The following DENND4C variants were observed in gnomAD, a reference collection of about 807,000 sequenced individuals.
DENND4C encodes the protein DENN domain containing 4C.
Under a neutral mutation model 203.0 loss-of-function variants are expected in DENND4C, and 108 were observed. The observed-to-expected ratio is 0.53, with a 90% CI of 0.46 to 0.62. DENND4C has a LOEUF of 0.62. Among genes scored for constraint, DENND4C ranks in the 20% least tolerant of loss-of-function variants. The pLI is 0.00. For missense variants in DENND4C, 2,481 were observed against 2,301.2 expected, an observed-to-expected ratio of 1.08 and a Z score of -1.60; for synonymous variants, 871 against 792.4, an observed-to-expected ratio of 1.10 and a Z score of -1.67.
rs550318230 is a variant in DENND4C at position 19,272,527 on chromosome 9, G to A, written c.-17-3631G>A. Among the ~76,000 whole-genome samples the A allele has an allele frequency of 7.9e-5, 12 of 151,834 alleles. No homozygotes were observed. The East Asian group carries it at 2.3e-3, about 30-fold the overall frequency. ...CCACCTCGGCCTCCCAAAGTGCTGG[G>A]ATTAGAGACATGAGCCAATGTGCCT... On this transcript the variant is annotated intron_variant, in intron 1 of 32. Coordinates refer to ENST00000434457, the MANE Select transcript of DENND4C (RefSeq NM_001330640.2).
At chr9:19,365,598 A>G (rs909944001) in intron 30 of DENND4C, among the ~76,000 whole-genome samples, 2 of 151,636 alleles carry the variant, frequency 1.3e-5, no homozygotes, top group Non-Finnish European at 2.9e-5. Context: ...GTGTATCTAT[A>G]TTTGCAGATT....
chr9:19,233,784 G>A (rs1334489077), intron 1 of DENND4C, among the ~76,000 whole-genome samples: 1 of 152,056 alleles, frequency 6.6e-6, no homozygotes, highest in Non-Finnish European at 1.5e-5. Context: ...GTAGAGAAGG[G>A]GTTTCACTAT....
intron 10 of DENND4C, among the ~76,000 whole-genome samples, chr9:19,308,900 G>A (rs947181099): frequency 2.6e-5 from 4 of 152,104 alleles, no homozygotes; most frequent in African/African-American, 9.7e-5. Context: ...TCTCTTGCCA[G>A]TATTATACTG....
chr9:19,243,204 A>T (rs964193177), intron 1 of DENND4C, among the ~76,000 whole-genome samples: 6 of 152,092 alleles, frequency 3.9e-5, no homozygotes, highest in Admixed American at 3.9e-4. Flanking sequence ...GACTTTATAG[A>T]TTTACCTATT....
Position 19,360,363 on chromosome 9 carries a change from A to G in DENND4C, c.5280A>G (p.Thr1760=), listed in dbSNP as rs144740728. The change falls in exon 29 of 33, where the codon ACA becomes ACG. Residue 1760 remains threonine (T), a synonymous_variant. Coordinates refer to ENST00000434457, the MANE Select transcript of DENND4C (RefSeq NM_001330640.2). ...LENEGDQVIH[T]SSFINQHPII... is the part of the protein sequence containing the mutation. Reference sequence around the variant, plus strand: ...ATGAAGGTGATCAGGTGATTCATACATCTTCTTTCATCAATCAACATCCAA... The same window carrying G: ...ATGAAGGTGATCAGGTGATTCATACGTCTTCTTTCATCAATCAACATCCAA... 2.5e-6 allele frequency: 4 copies of G among 1,614,104 alleles called. No homozygotes were observed. Among genetic ancestry groups the G allele is most frequent in the African/African-American group, 2.7e-5 (2 of 75,048 alleles).
At position 19,356,788 on chromosome 9, in the gene DENND4C, T is replaced by TGAGAGAGA. The variant is rs60635871; in HGVS notation, c.4782-162_4782-155dup. ...GAGAGCAGGAATGTGTGTGTGTGTGTGAGAGAGAGAGAGAGAGAGAGAGAG... is the reference window on the plus strand; with the variant it reads ...GAGAGCAGGAATGTGTGTGTGTGTGTGAGAGAGAGAGAGAGAGAGAGAGAGAGAGAGAG... On this transcript the variant is annotated intron_variant, in intron 26 of 32. Coordinates refer to ENST00000434457, the MANE Select transcript of DENND4C (RefSeq NM_001330640.2). 2.9e-3 allele frequency among the ~76,000 whole-genome samples: 406 copies of TGAGAGAGA among 140,404 alleles called. 1 individual carries two copies. Among genetic ancestry groups the TGAGAGAGA allele is most frequent in the Middle Eastern group, 0.015 (4 of 272 alleles). 92.1% of individuals were successfully genotyped at this position (140,404 alleles called of 152,430 possible).
intron 12 of DENND4C, 135 bp from the exon 13 acceptor site, chr9:19,324,227 A>G: frequency 3.7e-6 from 2 of 538,550 alleles, no homozygotes; most frequent in Non-Finnish European, 5.8e-6. Flanking sequence ...CAACCTATAG[A>G]AGCTTCTTTT....
rs1472664955 is a variant in DENND4C at position 19,350,807 on chromosome 9, C to T, written c.4423C>T (p.Leu1475Phe). ...TATCTCAGGGTTGGTCCCCAGTGAA[C>T]TTACCCAGAGCAACACAAGTCTTGG... Reference protein sequence around the residue: ...TSISGLVPSELTQSNTSLGSS... With the variant: ...TSISGLVPSEFTQSNTSLGSS... Residue 1475 changes from leucine (L) to phenylalanine (F), a missense_variant, in exon 24 of 33, where the codon CTT becomes TTT. Physicochemically the swap from Leu to Phe is conservative, Grantham distance 22. This residue lies in a region of DENND4C where 2,289 missense variants were observed against 2,113.3 expected (regional missense o/e 1.08). Transcript: ENST00000434457. 2 of 1,613,872 alleles carry T rather than the reference C, an allele frequency of 1.2e-6. No homozygotes were observed. Among genetic ancestry groups the T allele is most frequent in the Non-Finnish European group, 8.5e-7 (1 of 1,180,012 alleles).
rs1284824857 is a variant in DENND4C at position 19,372,341 on chromosome 9, T to A, written c.*168T>A. 1.4e-5 allele frequency: 11 copies of A among 808,202 alleles called. No homozygotes were observed. Among genetic ancestry groups the A allele is most frequent in the Non-Finnish European group, 2.0e-5 (11 of 543,114 alleles). 50.1% of individuals were successfully genotyped at this position (808,202 alleles called of 1,614,324 possible). On this transcript the variant is annotated 3_prime_UTR_variant, in exon 33 of 33. Transcript: ENST00000434457. Reference sequence around the variant, plus strand: ...ATTCATATTGCATTACCTTGAAATATGAAGTGCCATTTGAATGTCCCAGGG... The same window carrying A: ...ATTCATATTGCATTACCTTGAAATAAGAAGTGCCATTTGAATGTCCCAGGG...
intron 27 of DENND4C, 158 bp from the exon 28 acceptor site, chr9:19,357,807 A>G: frequency 1.7e-6 from 1 of 604,206 alleles, no homozygotes; most frequent in Non-Finnish European, 2.7e-6. Context: ...CCAGTTTTAC[A>G]AAAATGGTTG....
At chr9:19,254,883 G>A (rs560491995) in intron 1 of DENND4C, among the ~76,000 whole-genome samples, 2 of 152,146 alleles carry the variant, frequency 1.3e-5, no homozygotes, top group Non-Finnish European at 2.9e-5. Flanking sequence ...TGTAACCCCC[G>A]CACTTTGGGA....
intron 1 of DENND4C, among the ~76,000 whole-genome samples, chr9:19,254,601 A>G (rs1240935551): frequency 6.6e-6 from 1 of 152,170 alleles, no homozygotes; most frequent in African/African-American, 2.4e-5. Flanking sequence ...TAGGGGAAAT[A>G]GGGAGGGGAT....
intron 30 of DENND4C, among the ~76,000 whole-genome samples, chr9:19,366,474 G>C (rs1827706967): frequency 6.6e-6 from 1 of 152,072 alleles, no homozygotes; most frequent in Non-Finnish European, 1.5e-5. Context: ...CGTGGTGGCG[G>C]GTACCTGTAG....
chr9:19,291,795 C>CAAAT (rs1836373067), intron 5 of DENND4C, among the ~76,000 whole-genome samples: 1 of 149,988 alleles, frequency 6.7e-6, no homozygotes, highest in African/African-American at 2.5e-5. Flanking sequence ...GTGGTACATA[C>CAAAT]AAATGTAAAA....
At chr9:19,332,756 C>A (rs942468570) in intron 17 of DENND4C, among the ~76,000 whole-genome samples, 1 of 133,740 alleles carries the variant, frequency 7.5e-6, no homozygotes, top group East Asian at 2.2e-4. Flanking sequence ...TATGGTTTTT[C>A]TGTTTTTGAT....
chr9:19,329,098 T>TA (rs1475447570), intron 16 of DENND4C, among the ~76,000 whole-genome samples: 1 of 152,186 alleles, frequency 6.6e-6, no homozygotes, highest in Non-Finnish European at 1.5e-5. Flanking sequence ...CATACCCACT[T>TA]AAAGTGTATG....
chr9:19,342,625 T>C lies in DENND4C; in HGVS notation c.3005-8T>C. 1 of 1,580,100 alleles carries C rather than the reference T, an allele frequency of 6.3e-7. No individual in the cohort carries two copies. Among genetic ancestry groups the C allele is most frequent in the East Asian group, 2.3e-5 (1 of 43,966 alleles). On this transcript the variant is annotated splice_region_variant and splice_polypyrimidine_tract_variant and intron_variant, in intron 21 of 32. Coordinates refer to ENST00000434457, the MANE Select transcript of DENND4C (RefSeq NM_001330640.2). ...TAGGAATGATAACATCCAAATATTT[T>C]TTTCCAGAGGTGTGTGATGCCTCTG...
chr9:19,279,456 C>T (rs892434126), intron 2 of DENND4C, among the ~76,000 whole-genome samples: 2 of 152,098 alleles, frequency 1.3e-5, no homozygotes, highest in Non-Finnish European at 2.9e-5. Flanking sequence ...AAGCCGATCA[C>T]TTGTGGTCAG....
At chr9:19,370,025 C>A in intron 31 of DENND4C, 38 bp downstream of exon 31, 1 of 1,607,112 alleles carries the variant, frequency 6.2e-7, no homozygotes, top group South Asian at 1.1e-5. Context: ...ACCACTCAGT[C>A]ATTTCATGTT....
Sources: gnomAD v4.1 joint callset for allele counts (sites outside exome capture counted in the v4.1 genomes callset) on GRCh38, gnomAD v4.1.1 for gene constraint, gnomAD v4.1.1 regional missense constraint, MANE v1.5 for transcripts, NCBI Gene and HGNC (gene_info 2026-07-23, HGNC 2026-07-21) for gene names.